FRMPD4: variants seen among roughly 807,000 people sequenced by gnomAD.
FRMPD4 encodes FERM and PDZ domain-containing protein 4.
FRMPD4 carries 22 observed loss-of-function variants against 94.1 expected under a neutral mutation model. The ratio of observed to expected loss-of-function variants is 0.23; its 90% confidence interval spans 0.17 to 0.33. FRMPD4 has a LOEUF of 0.33. FRMPD4 is among the 10% of genes least tolerant of loss of function. FRMPD4 has a pLI of 1.00. For synonymous variants in FRMPD4, 631 were observed against 548.6 expected (o/e 1.15, Z -2.10); for missense variants, 1,111 against 1,339.9 (o/e 0.83, Z 2.67).
intron 1 of FRMPD4, among the ~76,000 whole-genome samples, chrX:12,394,821 C>G (rs906114903): frequency 8.9e-6 from 1 of 111,938 alleles, no homozygotes; most frequent in South Asian, 3.7e-4. Context: ...ACTGAACATG[C>G]TGATCTGCAA....
chrX:12,301,795 T>C (rs911287072), intron 1 of FRMPD4, among the ~76,000 whole-genome samples: 1 of 112,242 alleles, frequency 8.9e-6, no homozygotes, highest in Admixed American at 9.5e-5. Context: ...AAGTGCCAGA[T>C]ACCATGTTGG....
At chrX:11,983,486 C>T (rs1043730902) in intron 3 of FRMPD4, among the ~76,000 whole-genome samples, 2 of 111,986 alleles carry the variant, frequency 1.8e-5, no homozygotes, top group African/African-American at 3.2e-5. Context: ...CTCAATTTTG[C>T]CCTCCGGATT....
intron 1 of FRMPD4, among the ~76,000 whole-genome samples, chrX:12,449,138 G>A (rs2057235237): frequency 8.9e-6 from 1 of 112,363 alleles, no homozygotes; most frequent in African/African-American, 3.2e-5. Flanking sequence ...CAAACTGATT[G>A]TGGTCAACCC....
chrX:12,088,923 A>G (rs1056026972), intron 3 of FRMPD4, among the ~76,000 whole-genome samples: 2 of 112,085 alleles, frequency 1.8e-5, no homozygotes, highest in African/African-American at 6.5e-5. Flanking sequence ...TCAGATGAAA[A>G]ATGTAGAACA....
In FRMPD4 at chrX:12,413,647, T is replaced by C. The variant is rs1459415713; in HGVS notation, c.42-85033T>C. Among the ~76,000 whole-genome samples the C allele has an allele frequency of 8.9e-5, 10 of 111,917 alleles. No individual in the cohort carries two copies. The Admixed American group carries it at 9.5e-4, about 11-fold the overall frequency. On this transcript the variant is annotated intron_variant, in intron 1 of 16. Transcript: ENST00000675598. ...GGAGAACAGCTGGCCCAGTGGTCTATAGATTCAGTTACTTTTCTAAAACAA... is the reference window on the plus strand; with the variant it reads ...GGAGAACAGCTGGCCCAGTGGTCTACAGATTCAGTTACTTTTCTAAAACAA...
rs143936809 is a variant in FRMPD4, at chrX:11,884,536, G to A, written c.95+6518G>A. ...TATATGTGTATGTGTGTATATATAC[G>A]TATATGCAAACACACATTAGAAGAA... On this transcript the variant is annotated intron_variant, in intron 3 of 18. Transcript: ENST00000640291. Among the ~76,000 whole-genome samples, 51 of 110,852 alleles carry A rather than the reference G, an allele frequency of 4.6e-4. No homozygotes were observed. In the East Asian group the frequency reaches 0.012, roughly 25 times the overall value.
At chrX:12,333,007 G>A (rs902432797) in intron 1 of FRMPD4, among the ~76,000 whole-genome samples, 1 of 111,662 alleles carries the variant, frequency 9.0e-6, no homozygotes, top group African/African-American at 3.2e-5. Flanking sequence ...GTTTCCCATC[G>A]TACTAAGGCA....
At chrX:12,033,738 C>T (rs1405208339) in intron 3 of FRMPD4, among the ~76,000 whole-genome samples, 1 of 111,472 alleles carries the variant, frequency 9.0e-6, no homozygotes, top group Non-Finnish European at 1.9e-5. Flanking sequence ...ACTCTTATTA[C>T]CCAGGCTGGA....
rs1047607043 is a variant in FRMPD4 at position 12,041,151 on chromosome X, G to A, written c.95+163133G>A. Among the ~76,000 whole-genome samples the A allele has an allele frequency of 7.2e-5, 8 of 111,370 alleles. No individual in the cohort carries two copies. In the Admixed American group the frequency reaches 7.6e-4, roughly 11 times the overall value. On this transcript the variant is annotated intron_variant, in intron 3 of 18. Coordinates refer to the FRMPD4 transcript ENST00000640291. ...AAATTACATATGTGTTATAAACTTA[G>A]CAATATAGTGTTATAATTGTTGCTT...
intron 1 of FRMPD4, among the ~76,000 whole-genome samples, chrX:12,328,273 A>G (rs2055318756): frequency 8.9e-6 from 1 of 112,391 alleles, no homozygotes; most frequent in African/African-American, 3.2e-5. Context: ...AATGTGAAAG[A>G]TTTCTAAACT....
At chrX:12,034,474 A>G (rs1187316381) in intron 3 of FRMPD4, among the ~76,000 whole-genome samples, 2 of 111,852 alleles carry the variant, frequency 1.8e-5, no homozygotes, top group African/African-American at 6.5e-5. Context: ...ATATCTAGCT[A>G]TTGTCATCTG....
intron 1 of FRMPD4, among the ~76,000 whole-genome samples, chrX:12,278,122 T>A (rs1385822888): frequency 8.9e-6 from 1 of 112,735 alleles, no homozygotes; most frequent in African/African-American, 3.2e-5. Context: ...ACGGCTATTC[T>A]TTTCTTTGGC....
chrX:12,388,850 T>TATATATATAC (rs1491368741), intron 1 of FRMPD4, among the ~76,000 whole-genome samples: 50 of 73,444 alleles, frequency 6.8e-4, no homozygotes, highest in African/African-American at 3.0e-3. Flanking sequence ...TATATATATA[T>TATATATATAC]ACACACAATG....
chrX:12,300,305 C>T (rs190856877), intron 1 of FRMPD4, among the ~76,000 whole-genome samples: 13 of 111,985 alleles, frequency 1.2e-4, no homozygotes, highest in African/African-American at 4.2e-4. Context: ...CCAGTCCTTA[C>T]TGATCAAGGG....
chrX:12,341,146 A>C (rs1411312169), intron 1 of FRMPD4, among the ~76,000 whole-genome samples: 1 of 111,953 alleles, frequency 8.9e-6, no homozygotes, highest in African/African-American at 3.3e-5. Flanking sequence ...ATGATGTTTC[A>C]AGTTATTTTA....
At chrX:12,324,943 A>C (rs754904752) in intron 1 of FRMPD4, among the ~76,000 whole-genome samples, 44 of 112,257 alleles carry the variant, frequency 3.9e-4, no homozygotes, top group African/African-American at 1.4e-3. Flanking sequence ...TGAAGACAAA[A>C]AACAATTTTG....
upstream of FRMPD4, among the ~76,000 whole-genome samples, chrX:12,136,884 C>T (rs772386295): frequency 9.5e-5 from 9 of 95,196 alleles, no homozygotes; most frequent in South Asian, 5.3e-3. Flanking sequence ...ATGTGATCTA[C>T]GTTAAAACAC....
intron 2 of FRMPD4, among the ~76,000 whole-genome samples, chrX:12,608,697 G>A (rs753212272): frequency 7.1e-5 from 8 of 112,517 alleles, no homozygotes; most frequent in Non-Finnish European, 1.3e-4. Context: ...TTTTCACAAA[G>A]AAATCTCTTT....
At chrX:12,634,239 T>C (rs1387930859) in intron 4 of FRMPD4, among the ~76,000 whole-genome samples, 5 of 112,514 alleles carry the variant, frequency 4.4e-5, no homozygotes, top group Non-Finnish European at 9.4e-5. Flanking sequence ...AGCTCCTTGC[T>C]GTTGTTCTAT....
Sources: allele counts gnomAD v4.1 joint callset (sites outside exome capture counted in the v4.1 genomes callset), GRCh38; gene constraint gnomAD v4.1.1; transcripts MANE v1.5; gene names NCBI Gene and HGNC (gene_info 2026-07-23, HGNC 2026-07-21).